Variants in ZNG1F observed in about 807,000 individuals in gnomAD.
The protein encoded by ZNG1F is zinc-regulated GTPase metalloprotein activator 1F.
At chr9:41,138,007 C>T in the ZNG1F span, among the ~76,000 whole-genome samples, 5 of 124,442 alleles carry the variant, frequency 4.0e-5, 2 homozygotes, top group African/African-American at 1.3e-4. Flanking sequence ...CCACTCTATT[C>T]ATCATGCTAT....
chr9:41,175,210 T>C, the ZNG1F span, among the ~76,000 whole-genome samples: 1 of 148,104 alleles, frequency 6.8e-6, no homozygotes, highest in Non-Finnish European at 1.5e-5. Context: ...GTGTCAACAA[T>C]GAAATAACGG....
the ZNG1F span, chr9:41,158,948 GA>G: frequency 2.8e-5 from 4 of 143,638 alleles, no homozygotes; most frequent in African/African-American, 1.0e-4. Flanking sequence ...ACAAAAAAGG[GA>G]AAGAAAAAGC....
chr9:41,164,932 A>T, the ZNG1F span: 2 of 1,491,966 alleles, frequency 1.3e-6, 1 homozygote, highest in Non-Finnish European at 1.8e-6. Flanking sequence ...ACAGGGCAAC[A>T]ATCAGAGTAA....
chr9:41,169,128 T>G, the ZNG1F span, among the ~76,000 whole-genome samples: 1 of 149,214 alleles, frequency 6.7e-6, no homozygotes, highest in African/African-American at 2.5e-5. Context: ...ATAGGAAAGC[T>G]ATACAAACAT....
chr9:41,203,293 C>G, the ZNG1F span, among the ~76,000 whole-genome samples: 1 of 152,172 alleles, frequency 6.6e-6, no homozygotes, highest in South Asian at 2.1e-4. Flanking sequence ...TACTCTAGCT[C>G]ACAGTTGATC....
the ZNG1F span, among the ~76,000 whole-genome samples, chr9:41,134,259 G>T: frequency 2.2e-5 from 3 of 138,668 alleles, no homozygotes; most frequent in African/African-American, 8.0e-5. Flanking sequence ...AAGTAAATTT[G>T]TTCTCTTAAA....
At chr9:41,163,857 C>A in the ZNG1F span, among the ~76,000 whole-genome samples, 6 of 99,396 alleles carry the variant, frequency 6.0e-5, no homozygotes, top group Admixed American at 2.5e-4. Flanking sequence ...AGAAACAGAC[C>A]AAGGATTAGA....
At chr9:41,183,791 C>A in the ZNG1F span, 2 of 1,503,022 alleles carry the variant, frequency 1.3e-6, no homozygotes, top group Middle Eastern at 2.1e-4. Context: ...AACTTATATT[C>A]TTTCACTTTA....
At chr9:41,185,118 A>G in the ZNG1F span, among the ~76,000 whole-genome samples, 1 of 143,314 alleles carries the variant, frequency 7.0e-6, no homozygotes, top group African/African-American at 2.5e-5. Context: ...TCCTATAAAG[A>G]TAACAGAAGT....
At chr9:41,174,285 TA>T in the ZNG1F span, 1 of 1,551,640 alleles carries the variant, frequency 6.4e-7, no homozygotes, top group Middle Eastern at 2.4e-4. Flanking sequence ...AACTGTTTTT[TA>T]ACTTACCATC....
At chr9:41,139,579 T>C in the ZNG1F span, among the ~76,000 whole-genome samples, 1 of 150,588 alleles carries the variant, frequency 6.6e-6, no homozygotes, top group Non-Finnish European at 1.5e-5. Flanking sequence ...TTACTAGTAA[T>C]AGGAAAAGCG....
the ZNG1F span, chr9:41,134,092 G>A: frequency 3.8e-6 from 1 of 265,596 alleles, no homozygotes; most frequent in African/African-American, 2.3e-5. Context: ...TCACTATACA[G>A]GGCCAGGTAC....
At chr9:41,154,861 G>T in the ZNG1F span, among the ~76,000 whole-genome samples, 1 of 149,718 alleles carries the variant, frequency 6.7e-6, no homozygotes, top group Non-Finnish European at 1.5e-5. Context: ...ATTCAAGATG[G>T]ATTAAAGACT....
chr9:41,165,020 T>C, the ZNG1F span: 1 of 1,588,200 alleles, frequency 6.3e-7, no homozygotes, highest in Non-Finnish European at 8.5e-7. Context: ...GTTCTTAATT[T>C]CTTTACATCT....
chr9:41,154,721 C>T, the ZNG1F span, among the ~76,000 whole-genome samples: 1 of 149,708 alleles, frequency 6.7e-6, no homozygotes, highest in African/African-American at 2.5e-5. Flanking sequence ...ACTATCTGAT[C>T]TTTGACAAAC....
chr9:41,169,878 G>C, the ZNG1F span, among the ~76,000 whole-genome samples: 1 of 141,128 alleles, frequency 7.1e-6, no homozygotes, highest in Non-Finnish European at 1.5e-5. Flanking sequence ...GAGAAACAAA[G>C]GAACTCTCTG....
chr9:41,151,541 C>T, the ZNG1F span, among the ~76,000 whole-genome samples: 27 of 146,514 alleles, frequency 1.8e-4, no homozygotes, highest in African/African-American at 6.3e-4. Flanking sequence ...CTCCAAGACA[C>T]ATAATTGTCA....
chr9:41,148,708 C>CTTT, the ZNG1F span, among the ~76,000 whole-genome samples: 10,840 of 125,194 alleles, frequency 0.087, 115 homozygotes, highest in South Asian at 0.15. Flanking sequence ...TTCTTTCTTT[C>CTTT]TTTTTTTTTT....
chr9:41,145,485 A>G, the ZNG1F span: 2 of 535,518 alleles, frequency 3.7e-6, no homozygotes, highest in African/African-American at 4.3e-5. Flanking sequence ...GCAAATTCCA[A>G]TAGAGAAAAG....
Sources: gnomAD v4.1 joint callset for allele counts (sites outside exome capture counted in the v4.1 genomes callset) on GRCh38, gnomAD v4.1.1 for gene constraint, MANE v1.5 for transcripts, NCBI Gene and HGNC (gene_info 2026-07-23, HGNC 2026-07-21) for gene names.